Variants in RPS6KB1 observed in about 807,000 individuals in gnomAD.
RPS6KB1 encodes the protein ribosomal protein S6 kinase B1.
Under a neutral mutation model 70.2 loss-of-function variants are expected in RPS6KB1, and 12 were observed. The ratio of observed to expected loss-of-function variants is 0.17; its 90% CI spans 0.11 to 0.28. RPS6KB1 has a LOEUF of 0.28. Ranked by LOEUF, RPS6KB1 falls within the 10% of genes least tolerant of loss-of-function variation. The pLI is 1.00. For missense variants in RPS6KB1, 270 were observed against 646.6 expected (o/e 0.42, Z 6.32); for synonymous variants, 175 against 211.2 (o/e 0.83, Z 1.49).
intron 1 of RPS6KB1, among the ~76,000 whole-genome samples, chr17:59,906,382 C>T (rs1470367501): frequency 1.3e-5 from 2 of 151,672 alleles, no homozygotes; most frequent in Non-Finnish European, 2.9e-5. Context: ...CCTTCCCTTT[C>T]GACAGAGTCT....
At chr17:59,932,456 C>T (rs2043978460) in intron 7 of RPS6KB1, among the ~76,000 whole-genome samples, 1 of 151,330 alleles carries the variant, frequency 6.6e-6, no homozygotes, top group Admixed American at 6.6e-5. Context: ...ATGCTTCTTA[C>T]AGTAGGTTTT....
In RPS6KB1 at chr17:59,949,546, A is replaced by T. The variant is rs2045104659; in HGVS notation, c.*2758A>T. On this transcript the variant is annotated 3_prime_UTR_variant, in exon 15 of 15. Coordinates refer to ENST00000225577, the MANE Select transcript of RPS6KB1 (RefSeq NM_003161.4). ...CACTGAAGTTTACTAATTTGATTTT[A>T]TAAGGTTTGTAGCATTACAGAATAA... 6.6e-6 allele frequency: 1 copy of T among 152,452 alleles called. No homozygotes were observed. Among genetic ancestry groups the T allele is most frequent in the Non-Finnish European group, 1.5e-5 (1 of 67,956 alleles). The allele number at this position is 152,452 out of a possible 1,614,324, so 9.4% of individuals were successfully genotyped here.
intron 14 of RPS6KB1, among the ~76,000 whole-genome samples, chr17:59,945,827 T>C (rs564760499): frequency 1.3e-5 from 2 of 152,342 alleles, no homozygotes; most frequent in Non-Finnish European, 1.5e-5. Context: ...TGTATCTATA[T>C]AGTACTATAA....
chr17:59,914,036 T>G (rs1475401551), intron 3 of RPS6KB1, among the ~76,000 whole-genome samples: 1 of 152,182 alleles, frequency 6.6e-6, no homozygotes, highest in Non-Finnish European at 1.5e-5. Flanking sequence ...GTATTGTTTA[T>G]TGTTTTTTCC....
At chr17:59,916,127 G>A (rs2042949216) in intron 4 of RPS6KB1, among the ~76,000 whole-genome samples, 1 of 137,422 alleles carries the variant, frequency 7.3e-6, no homozygotes, top group Admixed American at 7.3e-5. Context: ...TTTAGACGGA[G>A]CCTCACTCTG....
At chr17:59,938,186 G>GT (rs1481287231) in intron 12 of RPS6KB1, among the ~76,000 whole-genome samples, 12 of 134,766 alleles carry the variant, frequency 8.9e-5, no homozygotes, top group African/African-American at 1.8e-4. Flanking sequence ...TTTTTTTTTG[G>GT]GGGGGGGATA....
chr17:59,899,996 C>T (rs1328017084), intron 1 of RPS6KB1, among the ~76,000 whole-genome samples: 4 of 151,890 alleles, frequency 2.6e-5, no homozygotes, highest in African/African-American at 9.7e-5. Context: ...AAGACCCTAT[C>T]TGTACAAAAA....
At chr17:59,925,479 T>A (rs2043551410) in intron 4 of RPS6KB1, among the ~76,000 whole-genome samples, 1 of 152,238 alleles carries the variant, frequency 6.6e-6, no homozygotes, top group South Asian at 2.1e-4. Context: ...ATGCAAATTA[T>A]GTATTAGCCT....
intron 1 of RPS6KB1, among the ~76,000 whole-genome samples, chr17:59,903,098 GA>G (rs1364998488): frequency 6.6e-6 from 1 of 151,972 alleles, no homozygotes; most frequent in Non-Finnish European, 1.5e-5. Flanking sequence ...ATGAAGTCAA[GA>G]GTTTAAGACC....
At chr17:59,914,083 G>T (rs540962904) in intron 3 of RPS6KB1, among the ~76,000 whole-genome samples, 2 of 152,066 alleles carry the variant, frequency 1.3e-5, no homozygotes, top group Non-Finnish European at 2.9e-5. Context: ...TTGAATCCAC[G>T]GCTGCTGAAC....
rs900517541 is a variant in RPS6KB1 at position 59,893,474 on chromosome 17, G to T, written c.141+149G>T. 9.6e-6 allele frequency: 8 copies of T among 834,420 alleles called. No individual in the cohort carries two copies. Among genetic ancestry groups the T allele is most frequent in the Non-Finnish European group, 1.1e-5 (6 of 540,386 alleles). 51.7% of individuals were successfully genotyped at this position (834,420 alleles called of 1,614,324 possible). A position where few individuals can be genotyped will look rare whatever the true frequency, so the allele number is the denominator to read the frequency against. ...CGGCCTGAGACAGGGGAGCGGGCGG[G>T]GCGGTCATGGCCCTAGGTGTGAGGC... On this transcript the variant is annotated intron_variant, in intron 1 of 14. Coordinates refer to ENST00000225577, the MANE Select transcript of RPS6KB1 (RefSeq NM_003161.4). This position sits in a 1 kb window ranked among gnomAD's most constrained non-coding sequence, Gnocchi z 4.1.
rs1335480561 is a variant in RPS6KB1 at position 59,900,171 on chromosome 17, A to AAAACACAC, written c.141+6847_141+6848insAACACACA. 3.9e-5 allele frequency among the ~76,000 whole-genome samples: 4 copies of AAAACACAC among 102,424 alleles called. No individual in the cohort carries two copies. The Admixed American group carries it at 4.3e-4, about 11-fold the overall frequency. 67.2% of individuals were successfully genotyped at this position (102,424 alleles called of 152,430 possible). A position where few individuals can be genotyped will look rare whatever the true frequency, so the allele number is the denominator to read the frequency against. ...CTGGGTGACAGAAACCTAATTGCTA[A>AAAACACAC]ACACACACACACACACACACACACA... On this transcript the variant is annotated intron_variant, in intron 1 of 14. Coordinates refer to ENST00000225577, the MANE Select transcript of RPS6KB1 (RefSeq NM_003161.4).
chr17:59,928,298 A>G (rs1462859741), intron 5 of RPS6KB1, among the ~76,000 whole-genome samples: 1 of 152,068 alleles, frequency 6.6e-6, no homozygotes, highest in African/African-American at 2.4e-5. Flanking sequence ...GCATGCATAC[A>G]TAATTGTTTT....
chr17:59,933,283 C>T (rs1459580530), intron 7 of RPS6KB1, among the ~76,000 whole-genome samples: 2 of 151,256 alleles, frequency 1.3e-5, no homozygotes, highest in African/African-American at 2.4e-5. Flanking sequence ...CTCTCATCAA[C>T]ACCTCCTCAC....
At chr17:59,894,013 T>C in intron 1 of RPS6KB1, 1 of 856,578 alleles carries the variant, frequency 1.2e-6, no homozygotes. Flanking sequence ...TTGTAACCTT[T>C]CCCCAAGTTG....
intron 12 of RPS6KB1, 107 bp downstream of exon 12, chr17:59,936,648 C>A: frequency 2.3e-6 from 2 of 860,590 alleles, no homozygotes; most frequent in South Asian, 2.8e-5. Context: ...GAGTTCAAGA[C>A]CAGCATGGGC....
At position 59,893,205 on chromosome 17, in the gene RPS6KB1, G is replaced by A; in HGVS notation, c.21G>A (p.Arg7=). The A allele has an allele frequency of 6.2e-7, 1 of 1,607,068 alleles. No homozygotes were observed. The highest frequency in any genetic ancestry group is 8.5e-7 in the Non-Finnish European group (1 of 1,177,354). The change falls in exon 1 of 15, where the codon CGG becomes CGA. Residue 7 remains arginine (R), a synonymous_variant. Coordinates refer to ENST00000225577, the MANE Select transcript of RPS6KB1 (RefSeq NM_003161.4). This position sits in a 1 kb window ranked among gnomAD's most constrained non-coding sequence, Gnocchi z 4.1. ...GGCCCATGAGGCGACGAAGGAGGCG[G>A]GACGGCTTTTACCCAGCCCCGGACT... is the stretch of plus-strand genomic sequence containing the variant. The part of the protein sequence containing the change: MRRRRR[R]DGFYPAPDFR...
chr17:59,895,112 C>A (rs1020783388), intron 1 of RPS6KB1, among the ~76,000 whole-genome samples: 3 of 151,748 alleles, frequency 2.0e-5, no homozygotes, highest in African/African-American at 7.3e-5. Flanking sequence ...CCTCTGCCTC[C>A]TGGGTTCAAG....
intron 1 of RPS6KB1, among the ~76,000 whole-genome samples, chr17:59,910,193 G>GAA (rs980658679): frequency 3.8e-5 from 3 of 78,420 alleles, no homozygotes; most frequent in Admixed American, 2.7e-4. Context: ...TCTCAAAAAA[G>GAA]AAAAAAAAAA....
Sources: allele counts gnomAD v4.1 joint callset (sites outside exome capture counted in the v4.1 genomes callset), GRCh38; gene constraint gnomAD v4.1.1; non-coding constraint Gnocchi (gnomAD v3.1); transcripts MANE v1.5; gene names NCBI Gene and HGNC (gene_info 2026-07-23, HGNC 2026-07-21).